Variants in EML5 observed in about 807,000 individuals in gnomAD.
The protein encoded by EML5 is echinoderm microtubule-associated protein-like 5.
In EML5, 120 loss-of-function variants were observed where a neutral mutation model predicts 250.0. The observed-to-expected ratio is 0.48, with a 90% CI of 0.41 to 0.56. EML5 has a LOEUF of 0.56. EML5 is among the 20% of genes least tolerant of loss of function. The pLI, the probability that EML5 is intolerant of heterozygous loss-of-function variation, is 0.00. For missense variants in EML5, 2,006 were observed against 2,437.6 expected (o/e 0.82, Z 3.73); for synonymous variants, 771 against 806.5 (o/e 0.96, Z 0.75).
Position 88,626,932 on chromosome 14 carries a change from G to A in EML5, c.4646C>T (p.Thr1549Ile), listed in dbSNP as rs1310691558. 1.2e-6 allele frequency: 2 copies of A among 1,613,812 alleles called. No individual in the cohort carries two copies. Among genetic ancestry groups the A allele is most frequent in the African/African-American group, 1.3e-5 (1 of 74,906 alleles). ...SVGVKHVKFW[T>I]LAGRALLSKK... ...GCTAAGAAGAGCTCTTCCTGCCAGGGTCCAGAACTTCACATGTTTTACTCC... is the reference window on the plus strand; with the variant it reads ...GCTAAGAAGAGCTCTTCCTGCCAGGATCCAGAACTTCACATGTTTTACTCC... The change falls in exon 35 of 44, where the codon ACC (threonine) becomes ATC (isoleucine). Residue 1549 changes from threonine (T) to isoleucine (I), a missense_variant. Physicochemically the swap from Thr to Ile is moderately conservative, Grantham distance 89 (BLOSUM62 -1). Coordinates refer to ENST00000554922, the MANE Select transcript of EML5 (RefSeq NM_183387.3).
chr14:88,711,942 C>CA (rs796154018), intron 10 of EML5, among the ~76,000 whole-genome samples: 7,592 of 96,998 alleles, frequency 0.078, 297 homozygotes, highest in Admixed American at 0.19. Context: ...GACCCTGTCT[C>CA]AAAAAAAAAA....
rs767521439 is a variant in EML5 at position 88,621,221 on chromosome 14, G to A, written c.5094C>T (p.Asn1698=). The change falls in exon 38 of 44, where the codon AAC becomes AAT. Residue 1698 remains asparagine, a synonymous_variant. Coordinates refer to ENST00000554922, the MANE Select transcript of EML5 (RefSeq NM_183387.3). Reference sequence around the variant, plus strand: ...CCCAGATTGGCCCATCCACATGACCGTTAACTAAAATATTACAAGCTGCAT... The same window carrying A: ...CCCAGATTGGCCCATCCACATGACCATTAACTAAAATATTACAAGCTGCAT... The part of the protein sequence containing the change: ...EKNAACNILV[N]GHVDGPIWGL... 42 of 1,613,922 alleles carry A rather than the reference G, an allele frequency of 2.6e-5. No homozygotes were observed. The East Asian group carries it at 5.8e-4, about 22-fold the overall frequency.
chr14:88,749,622 G>C (rs1475229256), intron 2 of EML5, among the ~76,000 whole-genome samples: 1 of 152,040 alleles, frequency 6.6e-6, no homozygotes, highest in Non-Finnish European at 1.5e-5. Context: ...AATGACGATA[G>C]CACCATAAAC....
chr14:88,683,551 ATC>A (rs750433846), intron 20 of EML5, among the ~76,000 whole-genome samples: 1 of 152,210 alleles, frequency 6.6e-6, no homozygotes, highest in Non-Finnish European at 1.5e-5. Flanking sequence ...AAATACCAAT[ATC>A]TCTTATAAAT....
intron 40 of EML5, 154 bp from the exon 41 acceptor site, chr14:88,618,485 A>C: frequency 9.3e-7 from 1 of 1,074,078 alleles, no homozygotes; most frequent in African/African-American, 1.6e-5. Context: ...ATAGGAGAAA[A>C]GCTCTGATAA....
intron 16 of EML5, 47 bp downstream of exon 16, chr14:88,695,314 A>C (rs963249784): frequency 1.3e-6 from 2 of 1,495,418 alleles, no homozygotes; most frequent in African/African-American, 2.8e-5. Flanking sequence ...TTTAAGTCCA[A>C]AGTAATTCTA....
intron 32 of EML5, among the ~76,000 whole-genome samples, chr14:88,635,385 G>T (rs1191971991): frequency 6.6e-6 from 1 of 152,158 alleles, no homozygotes; most frequent in Non-Finnish European, 1.5e-5. Flanking sequence ...ACAACCAAAT[G>T]GTGAGAGGGC....
Position 88,705,464 on chromosome 14 carries a change from T to C in EML5, c.1932+18A>G. The C allele has an allele frequency of 1.9e-6, 3 of 1,546,806 alleles. No homozygotes were observed. The highest frequency in any genetic ancestry group is 2.7e-6 in the Non-Finnish European group (3 of 1,130,644). ...AATTAGACTTTTTAGAGAAAAACCA[T>C]GTGATATGGAAAATTACCTGTCGAC... is the stretch of plus-strand genomic sequence containing the variant. On this transcript the variant is annotated intron_variant, in intron 12 of 43. Coordinates refer to ENST00000554922, the MANE Select transcript of EML5 (RefSeq NM_183387.3).
intron 1 of EML5, among the ~76,000 whole-genome samples, chr14:88,764,148 T>TAATA (rs1390101327): frequency 6.6e-6 from 1 of 152,206 alleles, no homozygotes; most frequent in Non-Finnish European, 1.5e-5. Context: ...ATTTGCTTAT[T>TAATA]AGCTTATTTT....
At position 88,754,928 on chromosome 14, in the gene EML5, C is replaced by T. The variant is rs111381969; in HGVS notation, c.198-257G>A. Among the ~76,000 whole-genome samples the T allele has an allele frequency of 3.4e-3, 523 of 152,242 alleles. 4 individuals are homozygous for T. The highest frequency in any genetic ancestry group is 0.012 in the African/African-American group (486 of 41,522). ...CAAGCAATTCTTGTGTCTCAGCCTC[C>T]TGAGTAGCTGGGATTACAGGCACCC... On this transcript the variant is annotated intron_variant, in intron 1 of 43. Coordinates refer to ENST00000554922, the MANE Select transcript of EML5 (RefSeq NM_183387.3).
At chr14:88,720,633 T>A (rs895626704) in intron 8 of EML5, among the ~76,000 whole-genome samples, 3 of 152,104 alleles carry the variant, frequency 2.0e-5, no homozygotes, top group African/African-American at 7.2e-5. Flanking sequence ...TCCCCCAAAA[T>A]AATAAGCTGT....
rs1263967662 is a variant in EML5 at position 88,792,319 on chromosome 14, T to C, written c.185A>G (p.Asp62Gly). 1.2e-5 allele frequency: 19 copies of C among 1,558,216 alleles called. No homozygotes were observed. The highest frequency in any genetic ancestry group is 2.7e-5 in the African/African-American group (2 of 73,204). The change falls in exon 1 of 44, where the codon GAC (aspartate) becomes GGC (glycine). Residue 62 changes from aspartate to glycine, a missense_variant. Coordinates refer to ENST00000554922, the MANE Select transcript of EML5 (RefSeq NM_183387.3). This position sits in a 1 kb window ranked among gnomAD's most constrained non-coding sequence, Gnocchi z 6.9. ...HRQKFYRGHS[D>G]DIISLALHPE... Reference sequence around the variant, plus strand: ...CGCTCCCCGGTACCTGATGATGTCGTCGCTGTGGCCCCGGTAGAACTTCTG... The same window carrying C: ...CGCTCCCCGGTACCTGATGATGTCGCCGCTGTGGCCCCGGTAGAACTTCTG...
intron 2 of EML5, among the ~76,000 whole-genome samples, chr14:88,746,652 A>G (rs774342307): frequency 3.3e-5 from 5 of 152,158 alleles, no homozygotes; most frequent in African/African-American, 4.8e-5. Flanking sequence ...CTGGAGGATG[A>G]GAAAACACCT....
chr14:88,736,253 C>G (rs959600711), intron 7 of EML5, 111 bp downstream of exon 7: 7 of 1,211,106 alleles, frequency 5.8e-6, no homozygotes, highest in Non-Finnish European at 8.3e-6. Context: ...CCCGCCTTGG[C>G]CTCCCAAAGT....
rs1302653459 is a variant in EML5 at position 88,615,758 on chromosome 14, G to A, written c.*60C>T. 1 of 1,553,500 alleles carries A rather than the reference G, an allele frequency of 6.4e-7. No individual in the cohort carries two copies. The highest frequency in any genetic ancestry group is 2.3e-5 in the East Asian group (1 of 43,914). On this transcript the variant is annotated 3_prime_UTR_variant, in exon 44 of 44. Coordinates refer to ENST00000554922, the MANE Select transcript of EML5 (RefSeq NM_183387.3). ...ACTTGACCATGCAGGGTTGGGTTTT[G>A]GTTTTTCTTCTCTGTAATTCTGGTC...
chr14:88,791,968 C>A (rs1420215598), intron 1 of EML5, among the ~76,000 whole-genome samples: 1 of 152,188 alleles, frequency 6.6e-6, no homozygotes, highest in African/African-American at 2.4e-5. Flanking sequence ...AGAAATTTCT[C>A]ACAGGATCTA....
chr14:88,789,556 T>C (rs1476915714), intron 1 of EML5, among the ~76,000 whole-genome samples: 1 of 77,894 alleles, frequency 1.3e-5, no homozygotes, highest in Non-Finnish European at 2.6e-5. Context: ...TGATTCAGCC[T>C]TTACTGAGAA....
intron 19 of EML5, 40 bp downstream of exon 19, chr14:88,687,176 T>C (rs1426527821): frequency 3.4e-6 from 5 of 1,466,194 alleles, no homozygotes; most frequent in African/African-American, 2.8e-5. Flanking sequence ...GCAATTAATC[T>C]TTTTTTCCTA....
intron 2 of EML5, among the ~76,000 whole-genome samples, chr14:88,753,761 T>C (rs536859986): frequency 6.6e-4 from 100 of 152,336 alleles, no homozygotes; most frequent in African/African-American, 2.3e-3. Context: ...TTTGATTTTG[T>C]ATAAAAAATA....
Sources: gnomAD v4.1 joint callset for allele counts (sites outside exome capture counted in the v4.1 genomes callset) on GRCh38, gnomAD v4.1.1 for gene constraint, Gnocchi (gnomAD v3.1) non-coding constraint, MANE v1.5 for transcripts, NCBI Gene and HGNC (gene_info 2026-07-23, HGNC 2026-07-21) for gene names.